STAG1: variants seen among roughly 807,000 people sequenced by gnomAD.
STAG1 encodes the protein cohesin subunit SA-1.
A neutral mutation model predicts 170.9 loss-of-function variants in STAG1; 26 were observed. The observed-to-expected ratio is 0.15, with a 90% confidence interval of 0.11 to 0.21. The LOEUF is 0.21. Ranked by LOEUF, STAG1 falls within the 10% of genes least tolerant of loss-of-function variation. The pLI is 1.00. For synonymous variants in STAG1, 514 were observed against 497.7 expected, an observed-to-expected ratio of 1.03 and a Z score of -0.44; for missense variants, 964 against 1,509.5, an observed-to-expected ratio of 0.64 and a Z score of 5.99.
At chr3:136,584,358 A>G (rs1937700215) in intron 4 of STAG1, among the ~76,000 whole-genome samples, 2 of 152,234 alleles carry the variant, frequency 1.3e-5, no homozygotes, top group African/African-American at 4.8e-5. Context: ...TTGGAATATT[A>G]CAGTACTTAC....
At chr3:136,566,350 C>G (rs551333280) in intron 5 of STAG1, among the ~76,000 whole-genome samples, 1 of 152,292 alleles carries the variant, frequency 6.6e-6, no homozygotes, top group African/African-American at 2.4e-5. Flanking sequence ...AGGGCCCTCA[C>G]AAGAACCAGA....
intron 3 of STAG1, among the ~76,000 whole-genome samples, chr3:136,616,953 A>G (rs6782151): frequency 0.37 from 56,971 of 152,030 alleles, 11,821 homozygotes; most frequent in African/African-American, 0.56. Flanking sequence ...GTAACATAGC[A>G]TATACCCATA....
At chr3:136,560,840 A>T (rs923434062) in intron 5 of STAG1, among the ~76,000 whole-genome samples, 6 of 152,308 alleles carry the variant, frequency 3.9e-5, no homozygotes, top group African/African-American at 9.6e-5. Context: ...ATGAAGGAGG[A>T]GTTGTTCATA....
chr3:136,590,662 T>G (rs1403388544), intron 4 of STAG1, among the ~76,000 whole-genome samples: 1 of 152,138 alleles, frequency 6.6e-6, no homozygotes, highest in Non-Finnish European at 1.5e-5. Context: ...GTCTAAGACA[T>G]GTACAAGATG....
At chr3:136,368,999 T>C (rs1361154686) in intron 24 of STAG1, 109 bp downstream of exon 24, 1 of 1,139,186 alleles carries the variant, frequency 8.8e-7, no homozygotes, top group Non-Finnish European at 1.2e-6. Flanking sequence ...CCAACTTTTT[T>C]AAAAGAAAGA....
intron 1 of STAG1, among the ~76,000 whole-genome samples, chr3:136,642,977 C>T (rs1032731885): frequency 5.9e-5 from 9 of 152,194 alleles, no homozygotes; most frequent in Non-Finnish European, 1.5e-5. Context: ...GTATTCTCTT[C>T]CCTGTGTCTG....
intron 7 of STAG1, among the ~76,000 whole-genome samples, chr3:136,508,873 TGTGCGCGC>T (rs1481904852): frequency 3.9e-5 from 6 of 152,150 alleles, no homozygotes. Context: ...TGTGTGTCTG[TGTGCGCGC>T]GTGCGCGAGA....
At chr3:136,630,721 A>G in intron 2 of STAG1, 149 bp downstream of exon 2, 1 of 631,870 alleles carries the variant, frequency 1.6e-6, no homozygotes, top group Non-Finnish European at 2.8e-6. Context: ...GTAATTACAC[A>G]CCCTACTACT....
At chr3:136,345,584 C>T (rs1299900359) in intron 29 of STAG1, among the ~76,000 whole-genome samples, 5 of 151,590 alleles carry the variant, frequency 3.3e-5, no homozygotes, top group Admixed American at 6.6e-5. Context: ...CTACTATGCC[C>T]GGCCAAGTTT....
chr3:136,411,280 T>A lies in STAG1; in HGVS notation c.2196+6605A>T, dbSNP rs143224363. 1.2e-3 allele frequency among the ~76,000 whole-genome samples: 185 copies of A among 152,186 alleles called. 1 individual carries two copies. The highest frequency in any genetic ancestry group is 4.1e-3 in the African/African-American group (169 of 41,530). ...TATAAAGCAGGAAATTAATATTTTA[T>A]TTTTCCAGAAAATATTTCATCTTTC... On this transcript the variant is annotated intron_variant, in intron 21 of 33. Coordinates refer to ENST00000383202, the MANE Select transcript of STAG1 (RefSeq NM_005862.3).
chr3:136,524,505 T>G (rs1934884447), intron 6 of STAG1, among the ~76,000 whole-genome samples: 1 of 152,178 alleles, frequency 6.6e-6, no homozygotes, highest in Non-Finnish European at 1.5e-5. Flanking sequence ...GCTGAGACAA[T>G]GGGGTTTTCT....
intron 26 of STAG1, among the ~76,000 whole-genome samples, chr3:136,362,605 C>CAAAAAAAAAAAA (rs1237413699): frequency 1.2e-4 from 5 of 42,388 alleles, no homozygotes; most frequent in Admixed American, 2.4e-4. Flanking sequence ...ATCATCTCTG[C>CAAAAAAAAAAAA]AAAAAAAAAA....
chr3:136,683,268 ATT>A (rs35597261), intron 1 of STAG1, among the ~76,000 whole-genome samples: 44 of 148,806 alleles, frequency 3.0e-4, no homozygotes, highest in African/African-American at 5.9e-4. Flanking sequence ...TTTCAACACA[ATT>A]TTTTTTTTTT....
intron 1 of STAG1, among the ~76,000 whole-genome samples, chr3:136,675,268 C>T (rs1221711853): frequency 6.6e-6 from 1 of 152,142 alleles, no homozygotes; most frequent in African/African-American, 2.4e-5. Flanking sequence ...TTTTGGAGTT[C>T]CTGGTACAGT....
intron 3 of STAG1, among the ~76,000 whole-genome samples, chr3:136,614,960 G>A (rs947073963): frequency 4.6e-5 from 7 of 151,898 alleles, no homozygotes; most frequent in Admixed American, 3.9e-4. Flanking sequence ...ATAAATACGT[G>A]CAATATAAAA....
intron 9 of STAG1, among the ~76,000 whole-genome samples, chr3:136,489,305 T>G (rs542065691): frequency 6.6e-6 from 1 of 152,350 alleles, no homozygotes; most frequent in Non-Finnish European, 1.5e-5. Context: ...TTCATTGGAT[T>G]ACTTTCTCAG....
intron 12 of STAG1, among the ~76,000 whole-genome samples, chr3:136,472,135 C>A (rs576593521): frequency 6.2e-4 from 95 of 152,236 alleles, no homozygotes; most frequent in African/African-American, 2.2e-3. Flanking sequence ...ACATACTGGG[C>A]CTGCTTTGTT....
intron 1 of STAG1, among the ~76,000 whole-genome samples, chr3:136,692,648 T>G (rs932613032): frequency 3.3e-5 from 5 of 151,286 alleles, no homozygotes; most frequent in Non-Finnish European, 7.4e-5. Flanking sequence ...AAAAAAAAAG[T>G]CAATTACAGT....
chr3:136,533,109 A>G (rs1393803498), intron 6 of STAG1, among the ~76,000 whole-genome samples: 1 of 152,190 alleles, frequency 6.6e-6, no homozygotes, highest in Non-Finnish European at 1.5e-5. Context: ...GTTTCTATAT[A>G]CCATTAATAA....
Sources: gnomAD v4.1 joint callset for allele counts (sites outside exome capture counted in the v4.1 genomes callset) on GRCh38, gnomAD v4.1.1 for gene constraint, MANE v1.5 for transcripts, NCBI Gene and HGNC (gene_info 2026-07-23, HGNC 2026-07-21) for gene names.